The following SORCS1 variants were observed in gnomAD, a reference collection of about 807,000 sequenced individuals.
SORCS1 encodes the protein VPS10 domain-containing receptor SorCS1.
A neutral mutation model predicts 146.1 loss-of-function variants in SORCS1; 60 were observed. The ratio of observed to expected loss-of-function variants is 0.41; its 90% confidence interval spans 0.33 to 0.51. The LOEUF is 0.51. SORCS1 is among the 20% of genes least tolerant of loss of function. The pLI, the probability that SORCS1 is intolerant of heterozygous loss-of-function variation, is 0.21. For synonymous variants in SORCS1, 637 were observed against 584.0 expected (o/e 1.09, Z -1.31); for missense variants, 1,352 against 1,487.6 (o/e 0.91, Z 1.50).
At chr10:106,909,912 T>C (rs1345208926) in intron 2 of SORCS1, among the ~76,000 whole-genome samples, 1 of 152,136 alleles carries the variant, frequency 6.6e-6, no homozygotes, top group African/African-American at 2.4e-5. Flanking sequence ...AATGGTTAAG[T>C]CTCCAGAGCT....
intron 1 of SORCS1, among the ~76,000 whole-genome samples, chr10:107,124,942 C>T (rs1270764694): frequency 6.9e-6 from 1 of 145,932 alleles, no homozygotes; most frequent in African/African-American, 2.6e-5. Context: ...TTCTTTCTTT[C>T]TTTTCTTTTT....
intron 21 of SORCS1, among the ~76,000 whole-genome samples, chr10:106,616,872 C>T (rs1327777614): frequency 6.6e-6 from 1 of 152,058 alleles, no homozygotes; most frequent in Non-Finnish European, 1.5e-5. Context: ...ATTATCTCAT[C>T]AAAATCAACT....
rs891358972 is a variant in SORCS1, at chr10:106,819,090, G to A, written c.726+10484C>T. 2.0e-5 allele frequency among the ~76,000 whole-genome samples: 3 copies of A among 152,214 alleles called. No individual in the cohort carries two copies. The East Asian group carries it at 5.8e-4, about 29-fold the overall frequency. ...GTTGAGTTGACAAAAGACAGCATAA[G>A]GCATGGCCATATAATTTGGAACAGT... On this transcript the variant is annotated intron_variant, in intron 3 of 25. Coordinates refer to ENST00000263054, the MANE Select transcript of SORCS1 (RefSeq NM_052918.5).
chr10:107,173,990 A>G, the SORCS1 span, among the ~76,000 whole-genome samples: 1 of 152,214 alleles, frequency 6.6e-6, no homozygotes, highest in Non-Finnish European at 1.5e-5. Context: ...TAGTTCTTCC[A>G]GCGTGTTCTA....
chr10:106,668,071 T>C (rs962181927), intron 16 of SORCS1, among the ~76,000 whole-genome samples: 2 of 152,176 alleles, frequency 1.3e-5, no homozygotes, highest in African/African-American at 2.4e-5. Flanking sequence ...AGAGAGTAGA[T>C]TGTGCTCTCA....
At chr10:106,720,693 C>A in intron 6 of SORCS1, among the ~76,000 whole-genome samples, 1 of 151,828 alleles carries the variant, frequency 6.6e-6, no homozygotes, top group East Asian at 1.9e-4. Context: ...ACCAAGGACC[C>A]AAAGCCTAGA....
chr10:107,105,131 A>G (rs1413588249), intron 1 of SORCS1, among the ~76,000 whole-genome samples: 1 of 152,204 alleles, frequency 6.6e-6, no homozygotes, highest in African/African-American at 2.4e-5. Flanking sequence ...TGAGTTAATA[A>G]CTGTGTTTAG....
intron 1 of SORCS1, among the ~76,000 whole-genome samples, chr10:107,004,710 G>T (rs1006635358): frequency 6.6e-6 from 1 of 152,062 alleles, no homozygotes; most frequent in African/African-American, 2.4e-5. Flanking sequence ...TACTCTTCTG[G>T]GAAGCCCTCC....
the SORCS1 span, among the ~76,000 whole-genome samples, chr10:107,177,919 A>G: frequency 2.0e-5 from 3 of 152,202 alleles, no homozygotes; most frequent in African/African-American, 4.8e-5. Context: ...CAAATACCAC[A>G]TGTTCTCACT....
At chr10:106,890,071 G>A (rs1951171436) in intron 2 of SORCS1, among the ~76,000 whole-genome samples, 2 of 152,032 alleles carry the variant, frequency 1.3e-5, no homozygotes, top group South Asian at 4.2e-4. Context: ...AGACTTCTGG[G>A]TTCTACCACA....
intron 2 of SORCS1, among the ~76,000 whole-genome samples, chr10:106,897,115 T>C (rs1027807149): frequency 6.6e-6 from 1 of 152,008 alleles, no homozygotes; most frequent in African/African-American, 2.4e-5. Flanking sequence ...TCTCCTGACC[T>C]CGTGATCCGC....
chr10:106,725,081 A>G (rs973655699), intron 6 of SORCS1, among the ~76,000 whole-genome samples: 5 of 152,136 alleles, frequency 3.3e-5, no homozygotes, highest in African/African-American at 1.2e-4. Flanking sequence ...CAGAGGTTGC[A>G]GTGAGCTGAG....
At chr10:107,107,942 G>T (rs1267331916) in intron 1 of SORCS1, among the ~76,000 whole-genome samples, 2 of 152,320 alleles carry the variant, frequency 1.3e-5, no homozygotes, top group East Asian at 3.9e-4. Context: ...CCCTGAAACA[G>T]CTCTGAAACC....
chr10:106,761,740 GTAA>G (rs1859126286), intron 4 of SORCS1, 79 bp from the exon 5 acceptor site: 41 of 1,183,300 alleles, frequency 3.5e-5, no homozygotes, highest in South Asian at 6.3e-5. Flanking sequence ...TGGATCAATA[GTAA>G]TAATAATAAT....
chr10:106,831,193 C>T (rs1450245491), intron 2 of SORCS1, among the ~76,000 whole-genome samples: 3 of 151,936 alleles, frequency 2.0e-5, no homozygotes, highest in African/African-American at 7.3e-5. Flanking sequence ...CAGAGCAAGA[C>T]TCCATCTCAA....
chr10:106,955,513 G>A (rs564495699), intron 2 of SORCS1, among the ~76,000 whole-genome samples: 97 of 152,338 alleles, frequency 6.4e-4, no homozygotes, highest in Non-Finnish European at 9.8e-4. Flanking sequence ...AGGCACTGCC[G>A]GCTGTGGAGG....
chr10:106,923,787 C>T (rs1023030085), intron 2 of SORCS1, among the ~76,000 whole-genome samples: 5 of 152,186 alleles, frequency 3.3e-5, no homozygotes, highest in South Asian at 4.2e-4. Context: ...ATCTTTTGCC[C>T]GTTTTTGTTT....
At chr10:106,965,088 C>T (rs1010399728) in intron 1 of SORCS1, among the ~76,000 whole-genome samples, 3 of 151,912 alleles carry the variant, frequency 2.0e-5, no homozygotes, top group Non-Finnish European at 4.4e-5. Context: ...TCATCAAGGA[C>T]CTAAGCAATG....
At chr10:107,058,435 T>A (rs1380230182) in intron 1 of SORCS1, among the ~76,000 whole-genome samples, 1 of 152,220 alleles carries the variant, frequency 6.6e-6, no homozygotes, top group Non-Finnish European at 1.5e-5. Context: ...ATAGCCAACA[T>A]GGATTGTCAT....
Sources: allele counts gnomAD v4.1 joint callset (sites outside exome capture counted in the v4.1 genomes callset), GRCh38; gene constraint gnomAD v4.1.1; transcripts MANE v1.5; gene names NCBI Gene and HGNC (gene_info 2026-07-23, HGNC 2026-07-21).